Variants in GALNT10 observed in about 807,000 individuals in gnomAD.
GALNT10 encodes the protein GalNAc transferase 10.
A neutral mutation model predicts 75.0 loss-of-function variants in GALNT10; 41 were observed. That is an observed-to-expected ratio of 0.55 (90% CI 0.43 to 0.71). The LOEUF (loss-of-function observed/expected upper bound fraction) is 0.71. Among genes scored for constraint, GALNT10 ranks in the 30% least tolerant of loss-of-function variants. The pLI is 0.00. For missense variants in GALNT10, 727 were observed against 818.5 expected, an observed-to-expected ratio of 0.89 and a Z score of 1.36; for synonymous variants, 302 against 313.0, an observed-to-expected ratio of 0.96 and a Z score of 0.37.
Position 154,380,580 on chromosome 5 carries a change from G to A in GALNT10, c.887G>A (p.Arg296Gln), listed in dbSNP as rs764954032. 9 of 1,613,842 alleles carry A rather than the reference G, an allele frequency of 5.6e-6. No homozygotes were observed. The highest frequency in any genetic ancestry group is 3.3e-5 in the South Asian group (3 of 91,080). ...GAFDWEMYYK[R>Q]IPIPPELQKA... is the part of the protein sequence containing the mutation. Reference sequence around the variant, plus strand: ...TTTGACTGGGAGATGTACTACAAGCGGATCCCGATCCCTCCAGAACTGCAG... The same window carrying A: ...TTTGACTGGGAGATGTACTACAAGCAGATCCCGATCCCTCCAGAACTGCAG... Residue 296 changes from arginine to glutamine, a missense_variant, in exon 6 of 12, where the codon CGG becomes CAG. Physicochemically the swap from Arg to Gln is conservative, Grantham distance 43. Transcript: ENST00000297107.
chr5:154,307,599 G>A lies in GALNT10; in HGVS notation c.401+9520G>A, dbSNP rs527744574. Among the ~76,000 whole-genome samples the A allele has an allele frequency of 9.6e-3, 1,404 of 146,028 alleles. 16 individuals carry two copies. The highest frequency in any genetic ancestry group is 0.034 in the African/African-American group (1,327 of 38,946). ...CGCACCACTGCACTCCAGCCTGGGCGACAGAGTGAGACTCCATCTCAAGAA... is the reference window on the plus strand; with the variant it reads ...CGCACCACTGCACTCCAGCCTGGGCAACAGAGTGAGACTCCATCTCAAGAA... On this transcript the variant is annotated intron_variant, in intron 3 of 11. Transcript: ENST00000297107.
Position 154,208,817 on chromosome 5 carries a change from G to A in GALNT10, c.159+17792G>A, listed in dbSNP as rs555756793. ...AAAATTGGCTATTAAGAAGTGAAAA[G>A]CACTCTAAAGAATATAGGAATGGCA... On this transcript the variant is annotated intron_variant, in intron 1 of 11. Transcript: ENST00000297107. Among the ~76,000 whole-genome samples, 5 of 152,292 alleles carry A rather than the reference G, an allele frequency of 3.3e-5. No homozygotes were observed. The South Asian group carries it at 1.0e-3, about 32-fold the overall frequency.
intron 1 of GALNT10, among the ~76,000 whole-genome samples, chr5:154,281,845 C>T (rs1250937390): frequency 1.3e-5 from 2 of 152,176 alleles, no homozygotes; most frequent in Non-Finnish European, 2.9e-5. Context: ...TCAGCCATCC[C>T]TAGGGCATGG....
chr5:154,411,518 C>T (rs1034057181), intron 9 of GALNT10, among the ~76,000 whole-genome samples: 2 of 152,142 alleles, frequency 1.3e-5, no homozygotes, highest in African/African-American at 4.8e-5. Flanking sequence ...GGAGCAGTAG[C>T]CCCATGGAAA....
At chr5:154,295,201 C>T (rs1438276902) in intron 2 of GALNT10, among the ~76,000 whole-genome samples, 1 of 152,170 alleles carries the variant, frequency 6.6e-6, no homozygotes, top group Non-Finnish European at 1.5e-5. Context: ...ATGTCTCCCT[C>T]ATAAAGGATA....
chr5:154,225,875 T>C (rs1753055819), intron 1 of GALNT10, among the ~76,000 whole-genome samples: 2 of 152,202 alleles, frequency 1.3e-5, no homozygotes, highest in African/African-American at 2.4e-5. Flanking sequence ...CTACTTTGAA[T>C]AGTTAACCAA....
At chr5:154,390,079 A>G (rs1182767794) in intron 7 of GALNT10, among the ~76,000 whole-genome samples, 1 of 152,246 alleles carries the variant, frequency 6.6e-6, no homozygotes, top group African/African-American at 2.4e-5. Context: ...GGCAATCAAC[A>G]TTAATTCTTA....
At chr5:154,320,401 A>AG (rs1379011428) in intron 3 of GALNT10, among the ~76,000 whole-genome samples, 1 of 152,112 alleles carries the variant, frequency 6.6e-6, no homozygotes, top group Non-Finnish European at 1.5e-5. Context: ...GGAGTGAGTG[A>AG]GGGCTTTCTG....
chr5:154,226,510 A>C lies in GALNT10; in HGVS notation c.159+35485A>C, dbSNP rs75147548. 4.5e-3 allele frequency among the ~76,000 whole-genome samples: 683 copies of C among 152,244 alleles called. 4 individuals are homozygous for C. The highest frequency in any genetic ancestry group is 0.016 in the African/African-American group (661 of 41,524). On this transcript the variant is annotated intron_variant, in intron 1 of 11. Transcript: ENST00000297107. ...CTCAGTATATTCAATATATTATTCT[A>C]CTGCATTCTGGTTTCCATTATAGCT...
intron 3 of GALNT10, among the ~76,000 whole-genome samples, chr5:154,312,457 T>C (rs2113097041): frequency 6.6e-6 from 1 of 152,336 alleles, no homozygotes; most frequent in Non-Finnish European, 1.5e-5. Flanking sequence ...ATACAGTATA[T>C]AGAGACATAT....
chr5:154,236,848 G>GT, intron 1 of GALNT10, among the ~76,000 whole-genome samples: 1 of 152,350 alleles, frequency 6.6e-6, no homozygotes, highest in Admixed American at 6.5e-5. Context: ...CAGGGGAAGT[G>GT]TGGCCTGCCA....
intron 1 of GALNT10, among the ~76,000 whole-genome samples, chr5:154,236,045 TG>T (rs1753240976): frequency 6.6e-6 from 1 of 152,188 alleles, no homozygotes; most frequent in Non-Finnish European, 1.5e-5. Flanking sequence ...AATGATGTTT[TG>T]CTTAGGTCTG....
chr5:154,230,897 T>A (rs1193749796), intron 1 of GALNT10, among the ~76,000 whole-genome samples: 1 of 152,240 alleles, frequency 6.6e-6, no homozygotes, highest in Admixed American at 6.5e-5. Flanking sequence ...GAAGAGCAGA[T>A]GTACCATTTG....
Position 154,417,226 on chromosome 5 carries a change from C to A in GALNT10, c.*254C>A. 1 of 456,030 alleles carries A rather than the reference C, an allele frequency of 2.2e-6. No individual in the cohort carries two copies. Among genetic ancestry groups the A allele is most frequent in the Non-Finnish European group, 4.0e-6 (1 of 252,712 alleles). 28.2% of individuals were successfully genotyped at this position (456,030 alleles called of 1,614,324 possible). On this transcript the variant is annotated 3_prime_UTR_variant, in exon 12 of 12. Transcript: ENST00000297107. ...AGACTGCTTTAATCCCTGCTGACAT[C>A]ACGGAAAAGCAACAGAGCCTTTTCA...
Position 154,404,118 on chromosome 5 carries a change from G to A in GALNT10, c.1071G>A (p.Gly357=), listed in dbSNP as rs757250866. Residue 357 remains glycine (G), a synonymous_variant, in exon 8 of 12, where the codon GGG becomes GGA. Coordinates refer to ENST00000297107, the MANE Select transcript of GALNT10 (RefSeq NM_198321.4). Reference sequence around the variant, plus strand: ...TTGCCATGCAGGTGTGGATGTGTGGGGGCCGCATGGAGGACATCCCCTGCT... The same window carrying A: ...TTGCCATGCAGGTGTGGATGTGTGGAGGCCGCATGGAGGACATCCCCTGCT... ...YEISFKVWMC[G]GRMEDIPCSR... The A allele has an allele frequency of 6.2e-7, 1 of 1,613,434 alleles. No individual in the cohort carries two copies. Among genetic ancestry groups the A allele is most frequent in the African/African-American group, 1.3e-5 (1 of 75,024 alleles).
rs140214116 is a variant in GALNT10 at position 154,328,381 on chromosome 5, T to C, written c.402-1191T>C. On this transcript the variant is annotated intron_variant, in intron 3 of 11. Coordinates refer to ENST00000297107, the MANE Select transcript of GALNT10 (RefSeq NM_198321.4). ...GGGAGAGAGAGGAGGGGCTGAGCCA[T>C]TGAAGCCCAGTTTATTCTTCCAAAC... 3.6e-3 allele frequency among the ~76,000 whole-genome samples: 546 copies of C among 152,314 alleles called. 5 individuals are homozygous for C. Among genetic ancestry groups the C allele is most frequent in the African/African-American group, 0.012 (490 of 41,556 alleles).
intron 3 of GALNT10, among the ~76,000 whole-genome samples, chr5:154,306,228 C>A (rs1338150665): frequency 2.0e-5 from 3 of 152,112 alleles, no homozygotes; most frequent in Non-Finnish European, 4.4e-5. Flanking sequence ...AATACACATT[C>A]TTTTCAAGTG....
intron 4 of GALNT10, among the ~76,000 whole-genome samples, chr5:154,354,605 C>T (rs1006822071): frequency 6.6e-6 from 1 of 152,170 alleles, no homozygotes; most frequent in Non-Finnish European, 1.5e-5. Context: ...CCATCCCATG[C>T]CCCAGTGTAG....
intron 4 of GALNT10, among the ~76,000 whole-genome samples, chr5:154,344,077 G>A (rs950937654): frequency 6.6e-6 from 1 of 152,114 alleles, no homozygotes. Flanking sequence ...CACGCTCCTT[G>A]AAGGGTTCAT....
Sources: allele counts gnomAD v4.1 joint callset (sites outside exome capture counted in the v4.1 genomes callset), GRCh38; gene constraint gnomAD v4.1.1; transcripts MANE v1.5; gene names NCBI Gene and HGNC (gene_info 2026-07-23, HGNC 2026-07-21).